The following ACTR3C variants were observed in gnomAD, a reference collection of about 807,000 sequenced individuals.
ACTR3C encodes the protein actin-related protein 3C.
A neutral mutation model predicts 26.3 loss-of-function variants in ACTR3C; 18 were observed. The ratio of observed to expected loss-of-function variants is 0.68; its 90% CI spans 0.47 to 1.01. The LOEUF (loss-of-function observed/expected upper bound fraction) is 1.01. ACTR3C is among the 50% of genes least tolerant of loss of function. ACTR3C has a pLI of 0.00. For missense variants in ACTR3C, 184 were observed against 250.7 expected (o/e 0.73, Z 1.80); for synonymous variants, 55 against 94.5 (o/e 0.58, Z 2.42).
At chr7:150,146,891 A>G in the ACTR3C span, among the ~76,000 whole-genome samples, 1 of 152,222 alleles carries the variant, frequency 6.6e-6, no homozygotes, top group Admixed American at 6.5e-5. Context: ...TTTTCTTAAA[A>G]GATTGAGATT....
At chr7:150,305,058 G>C (rs1027137397) in intron 1 of ACTR3C, among the ~76,000 whole-genome samples, 3 of 152,150 alleles carry the variant, frequency 2.0e-5, no homozygotes, top group Admixed American at 6.5e-5. Context: ...CTGGGACTGG[G>C]AGCAAAGTGC....
At chr7:150,123,482 A>G in the ACTR3C span, among the ~76,000 whole-genome samples, 330 of 152,190 alleles carry the variant, frequency 2.2e-3, 1 homozygote, top group African/African-American at 7.5e-3. Context: ...GCTGCTAGGT[A>G]GCAACTTCCC....
the ACTR3C span, among the ~76,000 whole-genome samples, chr7:150,219,434 AC>A: frequency 6.9e-6 from 1 of 145,982 alleles, no homozygotes; most frequent in Non-Finnish European, 1.5e-5. Flanking sequence ...GTTCATTGTT[AC>A]ATGCATTGCT....
At chr7:150,278,582 T>C (rs989831620) in intron 6 of ACTR3C, among the ~76,000 whole-genome samples, 1 of 152,266 alleles carries the variant, frequency 6.6e-6, no homozygotes, top group African/African-American at 2.4e-5. Flanking sequence ...CATTACTCGA[T>C]GTTGCCACAG....
chr7:150,112,996 T>A, the ACTR3C span, among the ~76,000 whole-genome samples: 1 of 152,190 alleles, frequency 6.6e-6, no homozygotes, highest in South Asian at 2.1e-4. Context: ...GATGCCATTT[T>A]ATTTATGCTG....
chr7:150,216,597 C>T, the ACTR3C span, among the ~76,000 whole-genome samples: 11 of 152,246 alleles, frequency 7.2e-5, no homozygotes, highest in Non-Finnish European at 1.6e-4. Context: ...ATTTGTCTCA[C>T]TGCAAAGCCC....
intron 1 of ACTR3C, among the ~76,000 whole-genome samples, chr7:150,309,338 C>G (rs1444180981): frequency 1.3e-5 from 2 of 152,206 alleles, no homozygotes; most frequent in Non-Finnish European, 1.5e-5. Context: ...GCCAGAAGGC[C>G]ATCTTATTCT....
At chr7:149,984,183 G>T in the ACTR3C span, among the ~76,000 whole-genome samples, 1 of 151,048 alleles carries the variant, frequency 6.6e-6, no homozygotes, top group Non-Finnish European at 1.5e-5. Flanking sequence ...GTTTTATTTA[G>T]TACCTACTGA....
At chr7:150,128,857 C>A in the ACTR3C span, among the ~76,000 whole-genome samples, 3 of 151,880 alleles carry the variant, frequency 2.0e-5, 1 homozygote, top group African/African-American at 7.3e-5. Flanking sequence ...AGACAGGAGA[C>A]AAACATTTGA....
At chr7:150,209,764 A>ACAC in the ACTR3C span, among the ~76,000 whole-genome samples, 60 of 88,722 alleles carry the variant, frequency 6.8e-4, no homozygotes, top group Admixed American at 1.0e-3. Context: ...CACACACACA[A>ACAC]AATTAGCTGG....
the ACTR3C span, among the ~76,000 whole-genome samples, chr7:150,219,681 G>T: frequency 7.2e-6 from 1 of 139,692 alleles, no homozygotes; most frequent in Non-Finnish European, 1.5e-5. Context: ...AATTCCTTAG[G>T]CCGCCGCCCA....
the ACTR3C span, among the ~76,000 whole-genome samples, chr7:150,158,906 C>A: frequency 6.6e-6 from 1 of 150,540 alleles, no homozygotes; most frequent in Non-Finnish European, 1.5e-5. Flanking sequence ...CACACACGTG[C>A]GCACACACAC....
chr7:150,136,156 T>G, the ACTR3C span, among the ~76,000 whole-genome samples: 4 of 152,178 alleles, frequency 2.6e-5, no homozygotes, highest in African/African-American at 9.7e-5. Context: ...CCAGGCCTCC[T>G]GGATCCCAGG....
At chr7:150,192,228 C>T in the ACTR3C span, among the ~76,000 whole-genome samples, 1 of 151,294 alleles carries the variant, frequency 6.6e-6, no homozygotes, top group Admixed American at 6.6e-5. Flanking sequence ...TTAGTGATGG[C>T]CTCATTAATT....
the ACTR3C span, among the ~76,000 whole-genome samples, chr7:149,920,870 G>A: frequency 2.0e-5 from 3 of 151,748 alleles, no homozygotes; most frequent in African/African-American, 4.9e-5. Context: ...AGGTTCAAGC[G>A]ATTCTCCTGC....
At chr7:150,093,201 C>G in the ACTR3C span, among the ~76,000 whole-genome samples, 2 of 150,934 alleles carry the variant, frequency 1.3e-5, no homozygotes, top group Non-Finnish European at 2.9e-5. Context: ...GGCAGCTCAT[C>G]TGAGAATTTT....
At chr7:150,191,108 C>T in the ACTR3C span, among the ~76,000 whole-genome samples, 9 of 152,170 alleles carry the variant, frequency 5.9e-5, no homozygotes, top group East Asian at 3.8e-4. Flanking sequence ...AATACCACAC[C>T]GTGTTGATTG....
At chr7:149,913,460 C>T in the ACTR3C span, among the ~76,000 whole-genome samples, 1 of 152,128 alleles carries the variant, frequency 6.6e-6, no homozygotes, top group East Asian at 1.9e-4. Flanking sequence ...CTATTAGTTA[C>T]AGGACTTCAG....
chr7:150,021,453 CTCT>C, the ACTR3C span, among the ~76,000 whole-genome samples: 1 of 149,290 alleles, frequency 6.7e-6, no homozygotes, highest in African/African-American at 2.5e-5. Context: ...ACACATGTAT[CTCT>C]TTTTTAAAAA....
Sources: gnomAD v4.1 joint callset for allele counts (sites outside exome capture counted in the v4.1 genomes callset) on GRCh38, gnomAD v4.1.1 for gene constraint, MANE v1.5 for transcripts, NCBI Gene and HGNC (gene_info 2026-07-23, HGNC 2026-07-21) for gene names.